Variants in LRPPRC observed in about 807,000 individuals in gnomAD.
LRPPRC encodes the protein leucine rich pentatricopeptide repeat containing.
In LRPPRC, 120 loss-of-function variants were observed where a neutral mutation model predicts 180.3. The observed-to-expected ratio is 0.67, with a 90% CI of 0.57 to 0.77. The LOEUF is 0.77. LRPPRC is among the 30% of genes least tolerant of loss of function. The probability of loss-of-function intolerance (pLI) is 0.00; values close to 1 mark genes in which losing one functional copy is unlikely to be tolerated. For synonymous variants in LRPPRC, 723 were observed against 600.0 expected (o/e 1.21, Z -3.00); for missense variants, 2,012 against 1,657.2 (o/e 1.21, Z -3.72).
chr2:43,914,543 C>T lies in LRPPRC; in HGVS notation c.3149-1985G>A, dbSNP rs540823341. On this transcript the variant is annotated intron_variant, in intron 29 of 37. Transcript: ENST00000260665. ...GGGAGTTCGACACCAGCCTAGACAA[C>T]GTAGTGAAACGCGGTCTATACCAAA... 9.2e-5 allele frequency among the ~76,000 whole-genome samples: 14 copies of T among 151,718 alleles called. No individual in the cohort carries two copies. In the East Asian group the frequency reaches 2.2e-3, roughly 23 times the overall value.
chr2:43,943,723 T>C lies in LRPPRC; in HGVS notation c.2468A>G (p.Asn823Ser), dbSNP rs767395024. The C allele has an allele frequency of 1.2e-6, 2 of 1,613,436 alleles. No individual in the cohort carries two copies. The highest frequency in any genetic ancestry group is 1.7e-5 in the Admixed American group (1 of 59,992). Reference protein sequence around the residue: ...VTLGLAEPSTNISFPLVTVHL... With the variant: ...VTLGLAEPSTSISFPLVTVHL... ...TACAGTGACCAATGGGAAACTTATG[T>C]TGGTGGATGGTTCTGCTAACCCTAG... is the stretch of plus-strand genomic sequence containing the variant. The change falls in exon 23 of 38, where the codon AAC becomes AGC. Residue 823 changes from asparagine (N) to serine (S), a missense_variant. Transcript: ENST00000260665.
At chr2:43,928,132 T>C (rs1336974129) in intron 25 of LRPPRC, among the ~76,000 whole-genome samples, 1 of 152,354 alleles carries the variant, frequency 6.6e-6, no homozygotes, top group East Asian at 1.9e-4. Context: ...TAGAAACAAT[T>C]GCATGTTTGT....
At chr2:43,946,748 A>C (rs910057739) in intron 20 of LRPPRC, among the ~76,000 whole-genome samples, 3 of 152,110 alleles carry the variant, frequency 2.0e-5, no homozygotes, top group Non-Finnish European at 4.4e-5. Flanking sequence ...ATTGAACTAG[A>C]AAGTGAAAAA....
intron 25 of LRPPRC, among the ~76,000 whole-genome samples, chr2:43,931,604 G>A (rs961358207): frequency 6.6e-6 from 1 of 152,078 alleles, no homozygotes; most frequent in African/African-American, 2.4e-5. Flanking sequence ...CCTAAACACT[G>A]CTACACTCAA....
At chr2:43,922,257 G>T (rs906118673) in intron 27 of LRPPRC, among the ~76,000 whole-genome samples, 1 of 152,142 alleles carries the variant, frequency 6.6e-6, no homozygotes, top group East Asian at 1.9e-4. Context: ...GTATTTAAAT[G>T]TATGTAAGAC....
chr2:43,967,736 T>C (rs995636894), intron 11 of LRPPRC, among the ~76,000 whole-genome samples: 1 of 152,138 alleles, frequency 6.6e-6, no homozygotes, highest in Non-Finnish European at 1.5e-5. Context: ...AAACAAAGCA[T>C]GTGCTTACTG....
intron 1 of LRPPRC, among the ~76,000 whole-genome samples, chr2:43,987,164 T>C (rs1674562301): frequency 6.6e-6 from 1 of 152,124 alleles, no homozygotes; most frequent in African/African-American, 2.4e-5. Context: ...GAGTTTTAAA[T>C]GTATCCAAAA....
chr2:43,918,710 G>T (rs904969082), intron 27 of LRPPRC, among the ~76,000 whole-genome samples: 2 of 150,634 alleles, frequency 1.3e-5, no homozygotes, highest in Non-Finnish European at 3.0e-5. Flanking sequence ...AGTGCCTACT[G>T]CCGAAATCAA....
intron 14 of LRPPRC, among the ~76,000 whole-genome samples, chr2:43,954,609 T>C (rs1362435898): frequency 6.6e-6 from 1 of 152,194 alleles, no homozygotes. Flanking sequence ...ACGTCTCTTT[T>C]TTACATTCTA....
intron 25 of LRPPRC, among the ~76,000 whole-genome samples, chr2:43,927,323 C>A (rs1414558707): frequency 1.3e-5 from 2 of 152,178 alleles, no homozygotes; most frequent in Admixed American, 6.5e-5. Context: ...AAATTAAGAA[C>A]TGAAGTGGAA....
At chr2:43,963,453 G>T in intron 12 of LRPPRC, 135 bp downstream of exon 12, 1 of 705,422 alleles carries the variant, frequency 1.4e-6, no homozygotes, top group Non-Finnish European at 2.5e-6. Context: ...TCAAAAAAAA[G>T]AAAAAAAGAA....
intron 1 of LRPPRC, among the ~76,000 whole-genome samples, chr2:43,988,462 G>C (rs968954327): frequency 5.9e-5 from 9 of 152,108 alleles, no homozygotes; most frequent in Non-Finnish European, 1.0e-4. Context: ...CTTGAACCTG[G>C]GAGGCAGAGG....
chr2:43,925,850 C>T (rs767687995), intron 26 of LRPPRC, 43 bp downstream of exon 26: 8 of 1,339,174 alleles, frequency 6.0e-6, no homozygotes, highest in Non-Finnish European at 8.6e-6. Context: ...TTGCCTTCTA[C>T]TCACACTTTT....
At position 43,948,204 on chromosome 2, in the gene LRPPRC, G is replaced by C; in HGVS notation, c.1843-5C>G. Reference sequence around the variant, plus strand: ...ATTTTCAGGAATTTTTACATTCTGTGAGAAGGGAAGGGAGGGGGGAAAAAA... The same window carrying C: ...ATTTTCAGGAATTTTTACATTCTGTCAGAAGGGAAGGGAGGGGGGAAAAAA... On this transcript the variant is annotated splice_polypyrimidine_tract_variant and splice_region_variant and intron_variant, in intron 17 of 37. Coordinates refer to ENST00000260665, the MANE Select transcript of LRPPRC (RefSeq NM_133259.4). 6.5e-7 allele frequency: 1 copy of C among 1,536,708 alleles called. No individual in the cohort carries two copies. Among genetic ancestry groups the C allele is most frequent in the Non-Finnish European group, 9.0e-7 (1 of 1,109,618 alleles).
At position 43,974,757 on chromosome 2, in the gene LRPPRC, G is replaced by T. The variant is rs149070501; in HGVS notation, c.866C>A (p.Thr289Asn). ...EKGDIDHVKQ[T>N]LEKVEKSELH... ...CTCGGACTTCTCCACCTTCTCCAGA[G>T]TCTATAGAGAGTTCCAGAAATTAGA... Residue 289 changes from threonine to asparagine, a missense_variant and splice_region_variant, in exon 8 of 38, where the codon ACT becomes AAT. By Grantham distance (65) the Thr-to-Asn change is moderately conservative (BLOSUM62 0). Coordinates refer to ENST00000260665, the MANE Select transcript of LRPPRC (RefSeq NM_133259.4). The T allele has an allele frequency of 1.9e-6, 3 of 1,612,968 alleles. No individual in the cohort carries two copies. The African/African-American group carries it at 4.0e-5, about 22-fold the overall frequency.
At chr2:43,959,589 G>A (rs371311035) in intron 13 of LRPPRC, among the ~76,000 whole-genome samples, 1 of 152,156 alleles carries the variant, frequency 6.6e-6, no homozygotes, top group Admixed American at 6.5e-5. Context: ...GGTCTCTTAA[G>A]AACGTCTTAT....
intron 13 of LRPPRC, among the ~76,000 whole-genome samples, chr2:43,958,446 A>C (rs1010806768): frequency 2.6e-5 from 4 of 152,200 alleles, no homozygotes; most frequent in Admixed American, 2.6e-4. Flanking sequence ...TCATCTCCCC[A>C]AAAATAACAA....
intron 23 of LRPPRC, among the ~76,000 whole-genome samples, chr2:43,943,180 T>C (rs1672548829): frequency 6.6e-6 from 1 of 152,186 alleles, no homozygotes; most frequent in East Asian, 1.9e-4. Context: ...AACAAGAGCA[T>C]TTCAAATGGA....
intron 1 of LRPPRC, 81 bp downstream of exon 1, chr2:43,995,718 G>A (rs1023865622): frequency 7.9e-7 from 1 of 1,270,400 alleles, no homozygotes; most frequent in African/African-American, 1.6e-5. Context: ...AGCACAGGCA[G>A]GACCCGGTCC....
Sources: allele counts gnomAD v4.1 joint callset (sites outside exome capture counted in the v4.1 genomes callset), GRCh38; gene constraint gnomAD v4.1.1; transcripts MANE v1.5; gene names NCBI Gene and HGNC (gene_info 2026-07-23, HGNC 2026-07-21).